TNFRSF11A: variants seen among roughly 807,000 people sequenced by gnomAD.
TNFRSF11A encodes TNF receptor superfamily member 11a, also known as tumor necrosis factor receptor superfamily member 11A.
TNFRSF11A carries 32 observed loss-of-function variants against 55.7 expected under a neutral mutation model. That is an observed-to-expected ratio of 0.57 (90% CI 0.43 to 0.77). TNFRSF11A has a LOEUF of 0.77. Among genes scored for constraint, TNFRSF11A ranks in the 30% least tolerant of loss-of-function variants. The pLI is 0.00. For synonymous variants in TNFRSF11A, 311 were observed against 331.0 expected (o/e 0.94, Z 0.65); for missense variants, 753 against 809.8 (o/e 0.93, Z 0.85).
chr18:62,387,784 T>A lies in TNFRSF11A; in HGVS notation c.*2750T>A, dbSNP rs552525475. 4.6e-5 allele frequency: 7 copies of A among 151,786 alleles called. No individual in the cohort carries two copies. The highest frequency in any genetic ancestry group is 1.7e-4 in the African/African-American group (7 of 41,504). The allele number at this position is 151,786 out of a possible 1,614,324, so 9.4% of individuals were successfully genotyped here. ...CCTTCATGTGGTGGGGAAAATGGGA[T>A]TATTTCAGTGTAACAAACCACCCAA... On this transcript the variant is annotated 3_prime_UTR_variant, in exon 10 of 10. Transcript: ENST00000586569.
At chr18:62,347,729 A>G (rs2046404347) in intron 1 of TNFRSF11A, among the ~76,000 whole-genome samples, 1 of 152,108 alleles carries the variant, frequency 6.6e-6, no homozygotes, top group Non-Finnish European at 1.5e-5. Flanking sequence ...CCTGGCCAAC[A>G]TGGTGAAACC....
intron 9 of TNFRSF11A, among the ~76,000 whole-genome samples, chr18:62,381,208 A>C (rs923760775): frequency 6.6e-6 from 1 of 152,206 alleles, no homozygotes; most frequent in Non-Finnish European, 1.5e-5. Flanking sequence ...AAAAAAGAAA[A>C]CAAAAATGAA....
At chr18:62,328,281 G>A (rs1036696652) in intron 1 of TNFRSF11A, among the ~76,000 whole-genome samples, 10 of 152,124 alleles carry the variant, frequency 6.6e-5, no homozygotes, top group African/African-American at 1.7e-4. Context: ...GGGATGAAGG[G>A]GTTTCCCAAG....
chr18:62,335,999 T>C (rs1210576150), intron 1 of TNFRSF11A, among the ~76,000 whole-genome samples: 2 of 152,188 alleles, frequency 1.3e-5, no homozygotes, highest in Non-Finnish European at 2.9e-5. Context: ...AAGCCAGGCC[T>C]CCAAGCACAG....
At chr18:62,351,602 C>T (rs1444079881) in intron 3 of TNFRSF11A, among the ~76,000 whole-genome samples, 2 of 152,098 alleles carry the variant, frequency 1.3e-5, no homozygotes, top group Admixed American at 1.3e-4. Flanking sequence ...AGATAAACTT[C>T]CCTCATCAAC....
chr18:62,361,724 G>A lies in TNFRSF11A; in HGVS notation c.661G>A (p.Ala221Thr), dbSNP rs537966416. The A allele has an allele frequency of 1.1e-5, 17 of 1,613,940 alleles. No homozygotes were observed. The highest frequency in any genetic ancestry group is 5.0e-5 in the Admixed American group (3 of 59,998). Residue 221 changes from alanine to threonine, a missense_variant, in exon 7 of 10, where the codon GCG becomes ACG. Physicochemically the swap from Ala to Thr is moderately conservative, Grantham distance 58 (BLOSUM62 0). Around this residue, in one of 3 missense-constraint regions of TNFRSF11A, gnomAD observed 567 missense variants for 596.7 expected, o/e 0.95. Transcript: ENST00000586569. ...LPGLIILLLF[A>T]SVALVAAIIF... ...CGGTTTAATAATTCTGCTTCTCTTC[G>A]CGTCTGTGGCCCTGGTGGCTGCCAT...
At chr18:62,365,862 G>A (rs191794935) in intron 7 of TNFRSF11A, among the ~76,000 whole-genome samples, 13 of 152,050 alleles carry the variant, frequency 8.5e-5, no homozygotes, top group African/African-American at 3.1e-4. Context: ...CTGTTGCCTA[G>A]GTTGGAGTGC....
At chr18:62,336,676 G>A (rs900865937) in intron 1 of TNFRSF11A, 2 of 152,234 alleles carry the variant, frequency 1.3e-5, no homozygotes, top group Non-Finnish European at 2.9e-5. Context: ...GTGGAAATAG[G>A]GGTGCATCGT....
chr18:62,326,646 A>G (rs762676354), intron 1 of TNFRSF11A, among the ~76,000 whole-genome samples: 1 of 152,230 alleles, frequency 6.6e-6, no homozygotes, highest in Non-Finnish European at 1.5e-5. Context: ...TCGCAAAATG[A>G]CATATTCATA....
At chr18:62,344,310 A>G (rs780532457) in intron 1 of TNFRSF11A, among the ~76,000 whole-genome samples, 4 of 152,240 alleles carry the variant, frequency 2.6e-5, no homozygotes, top group Non-Finnish European at 5.9e-5. Context: ...CTGCGATTCC[A>G]AAGCTTTGAC....
At chr18:62,344,022 G>A (rs1262058219) in intron 1 of TNFRSF11A, among the ~76,000 whole-genome samples, 1 of 152,104 alleles carries the variant, frequency 6.6e-6, no homozygotes, top group East Asian at 1.9e-4. Flanking sequence ...CAAAACACAA[G>A]AGCAACCTGA....
At chr18:62,366,605 A>G (rs2145347355) in intron 7 of TNFRSF11A, 103 bp from the exon 8 acceptor site, 7 of 1,240,648 alleles carry the variant, frequency 5.6e-6, no homozygotes, top group South Asian at 2.4e-5. Context: ...TATTTGTCCT[A>G]TAACATGTTG....
intron 7 of TNFRSF11A, among the ~76,000 whole-genome samples, chr18:62,364,555 G>GGTAT (rs1328898481): frequency 1.3e-5 from 2 of 152,248 alleles, no homozygotes; most frequent in Non-Finnish European, 2.9e-5. Flanking sequence ...TCCGTGGACA[G>GGTAT]GTATTATTTT....
rs1312419569 is a variant in TNFRSF11A at position 62,391,070 on chromosome 18, G to C, written c.*6036G>C. ...CCATTATCTGTTCTCTCTTCCCATA[G>C]TTTCACCTTTTCCAATTTGTCGTGT... On this transcript the variant is annotated 3_prime_UTR_variant, in exon 10 of 10. Transcript: ENST00000586569. 1.3e-5 allele frequency: 2 copies of C among 152,142 alleles called. No homozygotes were observed. Among genetic ancestry groups the C allele is most frequent in the Non-Finnish European group, 1.5e-5 (1 of 68,032 alleles). 9.4% of individuals were successfully genotyped at this position (152,142 alleles called of 1,614,324 possible).
In TNFRSF11A at chr18:62,361,751, A is replaced by T. The variant is rs1909704722; in HGVS notation, c.688A>T (p.Ile230Phe). The change falls in exon 7 of 10, where the codon ATC becomes TTC. Residue 230 changes from isoleucine (I) to phenylalanine (F), a missense_variant. Physicochemically the swap from Ile to Phe is conservative, Grantham distance 21 (BLOSUM62 0). Coordinates refer to ENST00000586569, the MANE Select transcript of TNFRSF11A (RefSeq NM_003839.4). ...GTCTGTGGCCCTGGTGGCTGCCATC[A>T]TCTTTGGCGTTTGCTATAGGAAAAA... Reference protein sequence around the residue: ...FASVALVAAIIFGVCYRKKGK... With the variant: ...FASVALVAAIFFGVCYRKKGK... 6.2e-7 allele frequency: 1 copy of T among 1,614,020 alleles called. No homozygotes were observed. Among genetic ancestry groups the T allele is most frequent in the Admixed American group, 1.7e-5 (1 of 59,996 alleles).
At position 62,385,876 on chromosome 18, in the gene TNFRSF11A, G is replaced by A. The variant is rs1038224028; in HGVS notation, c.*842G>A. 2.6e-5 allele frequency: 4 copies of A among 152,180 alleles called. No homozygotes were observed. Among genetic ancestry groups the A allele is most frequent in the East Asian group, 1.9e-4 (1 of 5,200 alleles). 9.4% of individuals were successfully genotyped at this position (152,180 alleles called of 1,614,324 possible). A position where few individuals can be genotyped will look rare whatever the true frequency, so the allele number is the denominator to read the frequency against. ...TTCATTGTAAACACTTTTGGGAAAG[G>A]GCTAAACATGTGAGGCCTGGAGATA... On this transcript the variant is annotated 3_prime_UTR_variant, in exon 10 of 10. Coordinates refer to ENST00000586569, the MANE Select transcript of TNFRSF11A (RefSeq NM_003839.4).
At chr18:62,334,175 AT>A (rs1441169271) in intron 1 of TNFRSF11A, among the ~76,000 whole-genome samples, 1 of 152,090 alleles carries the variant, frequency 6.6e-6, no homozygotes, top group Non-Finnish European at 1.5e-5. Context: ...CTCTAGAACT[AT>A]TCTTAAGCAG....
intron 1 of TNFRSF11A, among the ~76,000 whole-genome samples, chr18:62,343,856 T>A (rs1156824065): frequency 2.0e-5 from 3 of 152,248 alleles, no homozygotes; most frequent in African/African-American, 7.2e-5. Flanking sequence ...CTAATGTTCC[T>A]TATTAATTCC....
At chr18:62,326,063 A>G (rs1455864732) in intron 1 of TNFRSF11A, among the ~76,000 whole-genome samples, 2 of 152,352 alleles carry the variant, frequency 1.3e-5, no homozygotes, top group South Asian at 2.1e-4. Context: ...TTCTCAGTAC[A>G]GTTAGCAAGC....
Sources: allele counts gnomAD v4.1 joint callset (sites outside exome capture counted in the v4.1 genomes callset), GRCh38; gene constraint gnomAD v4.1.1; regional missense constraint gnomAD v4.1.1; transcripts MANE v1.5; gene names NCBI Gene and HGNC (gene_info 2026-07-23, HGNC 2026-07-21).